GMDS: variants seen among roughly 807,000 people sequenced by gnomAD.
GMDS encodes GDP-mannose 4,6-dehydratase.
Under a neutral mutation model 49.9 loss-of-function variants are expected in GMDS, and 20 were observed. The observed-to-expected ratio is 0.40, with a 90% CI of 0.28 to 0.58. The LOEUF (loss-of-function observed/expected upper bound fraction) is 0.58, where lower values mean the gene tolerates loss of function less well. GMDS is among the 20% of genes least tolerant of loss of function. The pLI is 0.42. For missense variants in GMDS, 362 were observed against 481.4 expected (o/e 0.75, Z 2.32); for synonymous variants, 177 against 178.6 (o/e 0.99, Z 0.07).
rs556595351 is a variant in GMDS, at chr6:2,013,325, A to G, written c.346-52359T>C. 2.0e-5 allele frequency among the ~76,000 whole-genome samples: 3 copies of G among 152,326 alleles called. No individual in the cohort carries two copies. In the South Asian group the frequency reaches 6.2e-4, roughly 32 times the overall value. On this transcript the variant is annotated intron_variant, in intron 4 of 10. Transcript: ENST00000380815. ...CAAAACCCAGCTCATTGTCAGATTA[A>G]CATAAAACCTCACACTAAAAGCTTA...
chr6:1,890,931 G>A (rs911109127), intron 7 of GMDS, among the ~76,000 whole-genome samples: 1 of 152,202 alleles, frequency 6.6e-6, no homozygotes, highest in South Asian at 2.1e-4. Context: ...TTTCCAGCTA[G>A]GATCCATTTT....
chr6:1,910,722 C>A (rs1277606543), intron 7 of GMDS, among the ~76,000 whole-genome samples: 1 of 152,106 alleles, frequency 6.6e-6, no homozygotes, highest in Non-Finnish European at 1.5e-5. Context: ...CCATGAAAAG[C>A]CTCAGTCTGA....
intron 7 of GMDS, among the ~76,000 whole-genome samples, chr6:1,834,811 G>A (rs1048980085): frequency 3.3e-5 from 5 of 152,020 alleles, no homozygotes; most frequent in Admixed American, 6.6e-5. Context: ...CCAGGTCCCG[G>A]GAACCCTGTT....
At chr6:2,109,534 T>C (rs974942816) in intron 4 of GMDS, among the ~76,000 whole-genome samples, 2 of 152,182 alleles carry the variant, frequency 1.3e-5, no homozygotes, top group Non-Finnish European at 2.9e-5. Context: ...AGTGCCCTCT[T>C]AGGGTCATGT....
Position 2,175,845 on chromosome 6 carries a change from G to GT in GMDS, c.103-51115dup, listed in dbSNP as rs1581752173. The stretch of plus-strand genomic sequence containing the variant: ...GTAAGCACCTTATGCATGAACCCAC[G>GT]TAAGTTCATGAACCCACATAAACAG... On this transcript the variant is annotated intron_variant, in intron 1 of 10. Transcript: ENST00000380815. 18 of 720,816 alleles carry GT rather than the reference G, an allele frequency of 2.5e-5. No individual in the cohort carries two copies. The East Asian group carries it at 4.6e-4, about 18-fold the overall frequency. The allele number at this position is 720,816 out of a possible 1,614,324, so 44.7% of individuals were successfully genotyped here. A position where few individuals can be genotyped will look rare whatever the true frequency, so the allele number is the denominator to read the frequency against.
intron 7 of GMDS, among the ~76,000 whole-genome samples, chr6:1,815,686 C>T (rs1267119773): frequency 6.6e-6 from 1 of 152,124 alleles, no homozygotes; most frequent in Non-Finnish European, 1.5e-5. Flanking sequence ...AAACCCACTC[C>T]CACTCACAAG....
At chr6:1,970,029 G>A (rs1764511100) in intron 4 of GMDS, among the ~76,000 whole-genome samples, 1 of 152,162 alleles carries the variant, frequency 6.6e-6, no homozygotes, top group Non-Finnish European at 1.5e-5. Context: ...AATTAAGAAT[G>A]GAACAAACTT....
chr6:1,853,165 A>G (rs185828200), intron 7 of GMDS, among the ~76,000 whole-genome samples: 54 of 152,216 alleles, frequency 3.5e-4, no homozygotes, highest in African/African-American at 1.3e-3. Context: ...TATCTGAGAC[A>G]TGAAATACTG....
intron 1 of GMDS, among the ~76,000 whole-genome samples, chr6:2,226,380 T>C (rs755759551): frequency 2.0e-5 from 3 of 152,218 alleles, no homozygotes; most frequent in Non-Finnish European, 1.5e-5. Context: ...AAGAGTTAGA[T>C]TCTGCCTATG....
intron 7 of GMDS, among the ~76,000 whole-genome samples, chr6:1,857,384 G>C (rs998950263): frequency 2.0e-5 from 3 of 152,252 alleles, no homozygotes; most frequent in African/African-American, 7.2e-5. Context: ...GGGGACATAC[G>C]GAGACAGCAG....
At chr6:1,753,379 C>T (rs1380054531) in intron 7 of GMDS, among the ~76,000 whole-genome samples, 2 of 152,128 alleles carry the variant, frequency 1.3e-5, no homozygotes, top group Non-Finnish European at 2.9e-5. Flanking sequence ...CAGGAGCACC[C>T]AGATTCATAA....
At chr6:1,934,641 A>G (rs1762438311) in intron 6 of GMDS, among the ~76,000 whole-genome samples, 1 of 152,168 alleles carries the variant, frequency 6.6e-6, no homozygotes, top group South Asian at 2.1e-4. Context: ...ATTTTATTAT[A>G]AATACAATTG....
At chr6:2,004,122 C>A (rs1404787413) in intron 4 of GMDS, among the ~76,000 whole-genome samples, 1 of 152,192 alleles carries the variant, frequency 6.6e-6, no homozygotes, top group Non-Finnish European at 1.5e-5. Flanking sequence ...TATATCTCTA[C>A]ATTTAAAATT....
intron 4 of GMDS, among the ~76,000 whole-genome samples, chr6:1,998,503 C>T (rs767698686): frequency 1.3e-5 from 2 of 152,096 alleles, no homozygotes; most frequent in African/African-American, 4.8e-5. Context: ...AGGATTATAA[C>T]CCCAGAATGG....
At chr6:2,202,296 T>C (rs1014691958) in intron 1 of GMDS, among the ~76,000 whole-genome samples, 1 of 148,818 alleles carries the variant, frequency 6.7e-6, no homozygotes, top group African/African-American at 2.5e-5. Flanking sequence ...GAGGGCAGCA[T>C]GTTAGCAGAG....
intron 6 of GMDS, among the ~76,000 whole-genome samples, chr6:1,939,008 T>TTC (rs143318093): frequency 1.5e-5 from 2 of 132,758 alleles, no homozygotes; most frequent in Admixed American, 7.9e-5. Flanking sequence ...TCCTCTTCTC[T>TTC]TCTCTCTCTC....
intron 7 of GMDS, among the ~76,000 whole-genome samples, chr6:1,923,618 C>A (rs1384941788): frequency 3.3e-5 from 5 of 152,132 alleles, no homozygotes; most frequent in Admixed American, 1.3e-4. Flanking sequence ...CAGCAGCCAG[C>A]CGGATCCCGC....
intron 6 of GMDS, among the ~76,000 whole-genome samples, chr6:1,949,639 C>T (rs141862429): frequency 3.0e-4 from 45 of 152,134 alleles, no homozygotes; most frequent in Non-Finnish European, 4.4e-4. Flanking sequence ...ATGGGCCAGA[C>T]AGCTTTGTGA....
At chr6:1,972,951 CA>C (rs1165899543) in intron 4 of GMDS, among the ~76,000 whole-genome samples, 22 of 152,328 alleles carry the variant, frequency 1.4e-4, no homozygotes, top group African/African-American at 5.3e-4. Context: ...CCATACACTT[CA>C]CCAGATTGCT....
Sources: gnomAD v4.1 joint callset for allele counts (sites outside exome capture counted in the v4.1 genomes callset) on GRCh38, gnomAD v4.1.1 for gene constraint, MANE v1.5 for transcripts, NCBI Gene and HGNC (gene_info 2026-07-23, HGNC 2026-07-21) for gene names.